Variants in PTPRT observed in about 807,000 individuals in gnomAD.
PTPRT encodes receptor-type tyrosine-protein phosphatase T.
A neutral mutation model predicts 176.8 loss-of-function variants in PTPRT; 56 were observed. The observed-to-expected ratio is 0.32, with a 90% CI of 0.26 to 0.40. The LOEUF (loss-of-function observed/expected upper bound fraction) is 0.40. PTPRT is among the 10% of genes least tolerant of loss of function. The pLI is 1.00. For synonymous variants in PTPRT, 783 were observed against 739.0 expected, an observed-to-expected ratio of 1.06 and a Z score of -0.96; for missense variants, 1,540 against 1,908.2, an observed-to-expected ratio of 0.81 and a Z score of 3.60.
chr20:42,032,689 G>A, the PTPRT span, among the ~76,000 whole-genome samples: 11 of 152,134 alleles, frequency 7.2e-5, no homozygotes, highest in African/African-American at 2.7e-4. Flanking sequence ...AGTGATGGAT[G>A]CCACTTCTAA....
At chr20:42,291,712 A>AAT (rs2057319126) in intron 12 of PTPRT, among the ~76,000 whole-genome samples, 3 of 152,098 alleles carry the variant, frequency 2.0e-5, no homozygotes, top group Admixed American at 6.6e-5. Context: ...GGGAAAATGC[A>AAT]TGGTGCTGTT....
intron 1 of PTPRT, among the ~76,000 whole-genome samples, chr20:42,968,115 C>T (rs1224753063): frequency 6.6e-6 from 1 of 152,136 alleles, no homozygotes; most frequent in Non-Finnish European, 1.5e-5. Flanking sequence ...AAGCCCTTCC[C>T]CCTTTCAAGT....
chr20:42,353,184 A>C (rs1349219433), intron 9 of PTPRT, among the ~76,000 whole-genome samples: 1 of 152,246 alleles, frequency 6.6e-6, no homozygotes, highest in Non-Finnish European at 1.5e-5. Context: ...CACTGCAGTC[A>C]TAGAACAGTG....
At chr20:42,966,652 T>C (rs1204987128) in intron 1 of PTPRT, among the ~76,000 whole-genome samples, 1 of 152,228 alleles carries the variant, frequency 6.6e-6, no homozygotes, top group East Asian at 1.9e-4. Flanking sequence ...CAATCACATG[T>C]GAACCACATC....
intron 17 of PTPRT, among the ~76,000 whole-genome samples, chr20:42,149,422 A>ATT (rs11479052): frequency 5.8e-4 from 83 of 143,984 alleles, no homozygotes; most frequent in African/African-American, 1.6e-3. Context: ...AAAGTTTTGG[A>ATT]TTTTTTTTTT....
intron 1 of PTPRT, among the ~76,000 whole-genome samples, chr20:43,041,561 G>C (rs931586530): frequency 1.3e-5 from 2 of 152,318 alleles, no homozygotes; most frequent in South Asian, 4.1e-4. Context: ...CCAGCCTTGG[G>C]TGATGGCCAT....
chr20:42,998,306 G>T (rs1020823721), intron 1 of PTPRT, among the ~76,000 whole-genome samples: 2 of 152,138 alleles, frequency 1.3e-5, no homozygotes, highest in Non-Finnish European at 2.9e-5. Flanking sequence ...CCCCTGGGGA[G>T]ACCACTGGAA....
chr20:43,086,793 C>T (rs768589343), intron 1 of PTPRT, among the ~76,000 whole-genome samples: 2 of 152,082 alleles, frequency 1.3e-5, no homozygotes, highest in African/African-American at 2.4e-5. Context: ...ACTGTTATAA[C>T]CGGGGGCTGG....
intron 6 of PTPRT, among the ~76,000 whole-genome samples, chr20:42,696,427 G>C (rs2075877445): frequency 1.3e-5 from 2 of 150,348 alleles, no homozygotes; most frequent in Non-Finnish European, 3.0e-5. Flanking sequence ...AACTAACAAG[G>C]TTCTAAAGCC....
chr20:43,063,735 T>G (rs1160877546), intron 1 of PTPRT: 1 of 152,110 alleles, frequency 6.6e-6, no homozygotes, highest in African/African-American at 2.4e-5. Context: ...TTAAGGAAGC[T>G]CCAAAGAAAA....
At chr20:42,625,314 T>G (rs954778513) in intron 7 of PTPRT, among the ~76,000 whole-genome samples, 1 of 152,118 alleles carries the variant, frequency 6.6e-6, no homozygotes, top group African/African-American at 2.4e-5. Context: ...TGCTAAGTCG[T>G]GTGTCAGAAA....
At chr20:42,936,047 T>C (rs1314328736) in intron 1 of PTPRT, among the ~76,000 whole-genome samples, 2 of 152,184 alleles carry the variant, frequency 1.3e-5, no homozygotes, top group Non-Finnish European at 2.9e-5. Context: ...CTATTCTAAA[T>C]GCTAAGTGAA....
At chr20:42,515,057 C>A (rs1297852796) in intron 7 of PTPRT, among the ~76,000 whole-genome samples, 1 of 152,132 alleles carries the variant, frequency 6.6e-6, no homozygotes, top group Non-Finnish European at 1.5e-5. Context: ...ATCTTAATTG[C>A]CATCGGATCT....
At chr20:43,088,599 C>G (rs1267934089) in intron 1 of PTPRT, among the ~76,000 whole-genome samples, 1 of 152,088 alleles carries the variant, frequency 6.6e-6, no homozygotes, top group African/African-American at 2.4e-5. Flanking sequence ...CCCTTTAACT[C>G]TGACTCTACT....
At chr20:42,364,469 T>C (rs1272248575) in intron 9 of PTPRT, among the ~76,000 whole-genome samples, 1 of 152,216 alleles carries the variant, frequency 6.6e-6, no homozygotes, top group Non-Finnish European at 1.5e-5. Flanking sequence ...GAAGGTTTTG[T>C]AAAGCCTATT....
At chr20:42,936,096 C>G (rs1393576184) in intron 1 of PTPRT, among the ~76,000 whole-genome samples, 2 of 152,114 alleles carry the variant, frequency 1.3e-5, no homozygotes, top group African/African-American at 2.4e-5. Flanking sequence ...AAATCCTTGT[C>G]TTCATAAAAC....
At position 43,041,159 on chromosome 20, in the gene PTPRT, G is replaced by A. The variant is rs547827672; in HGVS notation, c.88+148487C>T. On this transcript the variant is annotated intron_variant, in intron 1 of 30. Coordinates refer to ENST00000373187, the MANE Select transcript of PTPRT (RefSeq NM_007050.6). ...TTACCAGTGAAGAAAACTAAGACTC[G>A]GAGAGCTTAAATGACTTGCTTCAGA... Among the ~76,000 whole-genome samples, 16 of 152,288 alleles carry A rather than the reference G, an allele frequency of 1.1e-4. No homozygotes were observed. The South Asian group carries it at 1.7e-3, about 16-fold the overall frequency.
intron 12 of PTPRT, among the ~76,000 whole-genome samples, chr20:42,297,733 A>ATTTT (rs1362375543): frequency 6.6e-6 from 1 of 152,198 alleles, no homozygotes; most frequent in Non-Finnish European, 1.5e-5. Context: ...ATGAAAATTT[A>ATTTT]AAATATGAGA....
At chr20:42,542,784 T>C (rs2072606555) in intron 7 of PTPRT, among the ~76,000 whole-genome samples, 1 of 152,196 alleles carries the variant, frequency 6.6e-6, no homozygotes. Flanking sequence ...GTTTCATTCA[T>C]ATCATGAAAT....
Sources: allele counts gnomAD v4.1 joint callset (sites outside exome capture counted in the v4.1 genomes callset), GRCh38; gene constraint gnomAD v4.1.1; transcripts MANE v1.5; gene names NCBI Gene and HGNC (gene_info 2026-07-23, HGNC 2026-07-21).